Variants in JAKMIP2 observed in about 807,000 individuals in gnomAD.
JAKMIP2 encodes janus kinase and microtubule interacting protein 2.
In JAKMIP2, 25 loss-of-function variants were observed where a neutral mutation model predicts 115.0. That is an observed-to-expected ratio of 0.22 (90% CI 0.16 to 0.30). JAKMIP2 has a LOEUF of 0.30. JAKMIP2 is among the 10% of genes least tolerant of loss of function. The probability of loss-of-function intolerance (pLI) is 1.00; values close to 1 mark genes in which losing one functional copy is unlikely to be tolerated. For missense variants in JAKMIP2, 642 were observed against 957.6 expected, an observed-to-expected ratio of 0.67 and a Z score of 4.35; for synonymous variants, 334 against 343.6, an observed-to-expected ratio of 0.97 and a Z score of 0.31.
chr5:147,718,152 T>C (rs1407840734), intron 1 of JAKMIP2, among the ~76,000 whole-genome samples: 1 of 151,020 alleles, frequency 6.6e-6, no homozygotes. Flanking sequence ...ATTACATTTA[T>C]TGATTTGCAT....
chr5:147,670,892 T>C (rs1364942166), intron 2 of JAKMIP2, among the ~76,000 whole-genome samples: 2 of 152,202 alleles, frequency 1.3e-5, no homozygotes. Context: ...TCTGCTTTTG[T>C]AGAGATTGAG....
chr5:147,634,765 C>T (rs1162069311), intron 12 of JAKMIP2, among the ~76,000 whole-genome samples: 1 of 152,166 alleles, frequency 6.6e-6, no homozygotes, highest in African/African-American at 2.4e-5. Flanking sequence ...TCACAGCATG[C>T]AAAGCATGAG....
chr5:147,668,968 AAT>A (rs1759444478), intron 2 of JAKMIP2, among the ~76,000 whole-genome samples: 1 of 152,164 alleles, frequency 6.6e-6, no homozygotes, highest in Non-Finnish European at 1.5e-5. Context: ...CTGTTCTGTA[AAT>A]ATCAGTGGGA....
At chr5:147,730,972 T>C (rs1753710635) in intron 1 of JAKMIP2, among the ~76,000 whole-genome samples, 1 of 152,156 alleles carries the variant, frequency 6.6e-6, no homozygotes, top group African/African-American at 2.4e-5. Context: ...ATGATGGTCC[T>C]GAATAAAGGA....
Position 147,644,076 on chromosome 5 carries a change from A to C in JAKMIP2, c.1206T>G (p.Ile402Met). The C allele has an allele frequency of 6.2e-7, 1 of 1,600,498 alleles. No homozygotes were observed. The highest frequency in any genetic ancestry group is 1.3e-5 in the African/African-American group (1 of 74,872). The change falls in exon 7 of 22, where the codon ATT becomes ATG. Residue 402 changes from isoleucine (I) to methionine (M), a missense_variant. This residue lies in a region of JAKMIP2 where 439 missense variants were observed against 570.9 expected (regional missense o/e 0.77). Coordinates refer to ENST00000616793, the MANE Select transcript of JAKMIP2 (RefSeq NM_001270941.2). ...CACGTACCCTTGTGAGCTCATCAAT[A>C]ATGTTCTGTTGCTCAATGACCTGAA... ...LKLQVIEQQN[I>M]IDELTRDREK...
chr5:147,634,571 T>C (rs905318308), intron 12 of JAKMIP2, among the ~76,000 whole-genome samples: 1 of 152,196 alleles, frequency 6.6e-6, no homozygotes, highest in Non-Finnish European at 1.5e-5. Context: ...CTGGTTCTAG[T>C]GGTTAACGAA....
chr5:147,721,369 G>A (rs1023645629), intron 1 of JAKMIP2, among the ~76,000 whole-genome samples: 1 of 152,224 alleles, frequency 6.6e-6, no homozygotes, highest in Admixed American at 6.5e-5. Flanking sequence ...AGCTGTGGTG[G>A]GCTCCGCCCA....
rs759390607 is a variant in JAKMIP2, at chr5:147,644,951, C to G, written c.982G>C (p.Glu328Gln). The G allele has an allele frequency of 1.2e-6, 2 of 1,613,722 alleles. No individual in the cohort carries two copies. The highest frequency in any genetic ancestry group is 1.7e-6 in the Non-Finnish European group (2 of 1,179,850). ...ETEKQCKPLL[E>Q]RNKCLAKRND... ...CTCTTGGCGAGGCACTTGTTCCTTTCCAGGAGAGGTTTACATTGCTTTTCG... is the reference window on the plus strand; with the variant it reads ...CTCTTGGCGAGGCACTTGTTCCTTTGCAGGAGAGGTTTACATTGCTTTTCG... The change falls in exon 6 of 22, where the codon GAA becomes CAA. Residue 328 changes from glutamate to glutamine, a missense_variant. Glu to Gln is a conservative substitution (Grantham distance 29). Around this residue, in one of 6 missense-constraint regions of JAKMIP2, gnomAD observed 439 missense variants for 570.9 expected, o/e 0.77. Coordinates refer to ENST00000616793, the MANE Select transcript of JAKMIP2 (RefSeq NM_001270941.2).
At chr5:147,621,020 T>G (rs1048321121) in intron 17 of JAKMIP2, among the ~76,000 whole-genome samples, 1 of 152,218 alleles carries the variant, frequency 6.6e-6, no homozygotes. Flanking sequence ...GTATAGATTT[T>G]GACTAGTGTT....
chr5:147,626,575 A>G (rs1163572737), intron 16 of JAKMIP2, among the ~76,000 whole-genome samples: 1 of 152,176 alleles, frequency 6.6e-6, no homozygotes, highest in African/African-American at 2.4e-5. Flanking sequence ...CTTGTGTGAA[A>G]TAAAGGTCAC....
Position 147,588,945 on chromosome 5 carries a change from T to C in JAKMIP2, c.*2762A>G, listed in dbSNP as rs148770148. The C allele has an allele frequency of 5.6e-4, 86 of 152,242 alleles. No individual in the cohort carries two copies. The highest frequency in any genetic ancestry group is 2.0e-3 in the African/African-American group (82 of 41,548). The allele number at this position is 152,242 out of a possible 1,614,324, so 9.4% of individuals were successfully genotyped here. A position where few individuals can be genotyped will look rare whatever the true frequency, so the allele number is the denominator to read the frequency against. On this transcript the variant is annotated 3_prime_UTR_variant, in exon 22 of 22. Coordinates refer to ENST00000616793, the MANE Select transcript of JAKMIP2 (RefSeq NM_001270941.2). ...GGTGTGTGTTGGAGCAGACGGAATA[T>C]AGATTTACTCATATGGGCCCTGCAA...
At position 147,644,033 on chromosome 5, in the gene JAKMIP2, G is replaced by C. The variant is rs750236823; in HGVS notation, c.1224+25C>G. ...CTACTTGTCCTTGGGAACAACTTAG[G>C]GTTTACAGATTGATTGACACGTACC... On this transcript the variant is annotated intron_variant, in intron 7 of 21. Transcript: ENST00000616793. The C allele has an allele frequency of 3.3e-6, 5 of 1,513,022 alleles. No individual in the cohort carries two copies. In the African/African-American group the frequency reaches 4.1e-5, roughly 12 times the overall value. The allele number at this position is 1,513,022 out of a possible 1,614,324, so 93.7% of individuals were successfully genotyped here.
chr5:147,763,727 T>C (rs1479390676), intron 1 of JAKMIP2, among the ~76,000 whole-genome samples: 1 of 152,118 alleles, frequency 6.6e-6, no homozygotes, highest in Non-Finnish European at 1.5e-5. Flanking sequence ...AGTAGTTTAA[T>C]GAATTAGGCA....
chr5:147,671,282 G>A (rs1030543911), intron 2 of JAKMIP2, among the ~76,000 whole-genome samples: 2 of 152,204 alleles, frequency 1.3e-5, no homozygotes, highest in African/African-American at 4.8e-5. Context: ...GTGGAGTAAC[G>A]TGATGTGCTA....
chr5:147,602,536 A>T (rs1561840848), intron 20 of JAKMIP2, among the ~76,000 whole-genome samples: 1 of 152,156 alleles, frequency 6.6e-6, no homozygotes, highest in Non-Finnish European at 1.5e-5. Context: ...ACTTCTTCTT[A>T]TTTGAGTCAT....
intron 15 of JAKMIP2, 72 bp downstream of exon 15, chr5:147,629,621 G>T: frequency 9.9e-7 from 1 of 1,014,086 alleles, no homozygotes; most frequent in Non-Finnish European, 1.5e-6. Flanking sequence ...CTTTACACAT[G>T]ATGCATTGTT....
chr5:147,743,242 T>A (rs1035514446), intron 1 of JAKMIP2, among the ~76,000 whole-genome samples: 1 of 152,228 alleles, frequency 6.6e-6, no homozygotes, highest in African/African-American at 2.4e-5. Flanking sequence ...GACAAACCAA[T>A]GATCACTCTC....
At chr5:147,596,361 C>A (rs1019807713) in intron 21 of JAKMIP2, among the ~76,000 whole-genome samples, 2 of 152,128 alleles carry the variant, frequency 1.3e-5, no homozygotes, top group East Asian at 1.9e-4. Flanking sequence ...ATAGTGGAAG[C>A]ACTGAGCCCA....
chr5:147,647,252 T>C (rs1758178381), intron 5 of JAKMIP2, among the ~76,000 whole-genome samples: 1 of 152,040 alleles, frequency 6.6e-6, no homozygotes, highest in Non-Finnish European at 1.5e-5. Flanking sequence ...AAGTGACCCA[T>C]ATATCAAAGA....
Sources: gnomAD v4.1 joint callset for allele counts (sites outside exome capture counted in the v4.1 genomes callset) on GRCh38, gnomAD v4.1.1 for gene constraint, gnomAD v4.1.1 regional missense constraint, MANE v1.5 for transcripts, NCBI Gene and HGNC (gene_info 2026-07-23, HGNC 2026-07-21) for gene names.